The following SLC16A12 variants were observed in gnomAD, a reference collection of about 807,000 sequenced individuals.
SLC16A12 encodes monocarboxylate transporter 12.
SLC16A12 carries 17 observed loss-of-function variants against 42.4 expected under a neutral mutation model. The observed-to-expected ratio is 0.40, with a 90% CI of 0.27 to 0.60. The LOEUF (loss-of-function observed/expected upper bound fraction) is 0.60, where lower values mean the gene tolerates loss of function less well. SLC16A12 is among the 20% of genes least tolerant of loss of function. The pLI is 0.42. For synonymous variants in SLC16A12, 224 were observed against 229.4 expected, an observed-to-expected ratio of 0.98 and a Z score of 0.21; for missense variants, 544 against 623.0, an observed-to-expected ratio of 0.87 and a Z score of 1.35.
chr10:89,553,265 T>C (rs1366946213), intron 2 of SLC16A12, among the ~76,000 whole-genome samples: 13 of 152,246 alleles, frequency 8.5e-5, no homozygotes, highest in South Asian at 2.1e-4. Context: ...GTTGTGTTTA[T>C]AGTTACTTAT....
At chr10:89,452,885 C>T (rs1258590270) in intron 3 of SLC16A12, among the ~76,000 whole-genome samples, 8 of 152,192 alleles carry the variant, frequency 5.3e-5, no homozygotes, top group Admixed American at 2.6e-4. Flanking sequence ...GCCCCCTCTA[C>T]GCCCAGGGGT....
At chr10:89,447,377 T>G (rs552512316) in intron 3 of SLC16A12, among the ~76,000 whole-genome samples, 6 of 152,248 alleles carry the variant, frequency 3.9e-5, no homozygotes, top group African/African-American at 1.4e-4. Context: ...CCTTAGCAAA[T>G]GTAAAAGAAC....
chr10:89,475,561 G>A (rs1842564880), intron 2 of SLC16A12, among the ~76,000 whole-genome samples: 1 of 152,196 alleles, frequency 6.6e-6, no homozygotes. Flanking sequence ...GACTAAGACT[G>A]CTTTTTTTGA....
intron 2 of SLC16A12, among the ~76,000 whole-genome samples, chr10:89,501,892 C>T (rs1842995880): frequency 1.3e-5 from 2 of 152,180 alleles, no homozygotes; most frequent in Non-Finnish European, 2.9e-5. Flanking sequence ...GGGACACTTG[C>T]CTATGTTATT....
intron 2 of SLC16A12, among the ~76,000 whole-genome samples, chr10:89,480,699 T>G (rs1842648742): frequency 6.6e-6 from 1 of 152,214 alleles, no homozygotes; most frequent in Non-Finnish European, 1.5e-5. Context: ...CACACATATT[T>G]CTTTTCTTGG....
chr10:89,481,176 T>C (rs1167865287), intron 2 of SLC16A12, among the ~76,000 whole-genome samples: 1 of 152,102 alleles, frequency 6.6e-6, no homozygotes, highest in Non-Finnish European at 1.5e-5. Flanking sequence ...TACATATGCA[T>C]AAGGACAAAA....
chr10:89,504,729 T>C (rs1267018875), intron 2 of SLC16A12, among the ~76,000 whole-genome samples: 1 of 152,198 alleles, frequency 6.6e-6, no homozygotes, highest in African/African-American at 2.4e-5. Flanking sequence ...AGGAGATTTA[T>C]TTTATGCTAA....
intron 2 of SLC16A12, among the ~76,000 whole-genome samples, chr10:89,492,291 A>G (rs1589703144): frequency 3.3e-5 from 5 of 152,360 alleles, no homozygotes; most frequent in Non-Finnish European, 1.5e-5. Context: ...ACATGACACT[A>G]CAAGGATGGT....
chr10:89,443,801 T>C lies in SLC16A12; in HGVS notation c.259A>G (p.Thr87Ala). 3.1e-6 allele frequency: 5 copies of C among 1,614,032 alleles called. No individual in the cohort carries two copies. The highest frequency in any genetic ancestry group is 4.2e-6 in the Non-Finnish European group (5 of 1,179,894). The change falls in exon 4 of 8, where the codon ACG (threonine) becomes GCG (alanine). Residue 87 changes from threonine to alanine, a missense_variant. Transcript: ENST00000371790. ...TCTACAATGGAATGGATCCATGCCG[T>C]TTGTGCGTAATCCTGAGTGAAGTAT... ...QTYFTQDYAQ[T>A]AWIHSIVDCV...
chr10:89,533,860 A>G (rs1029994451), intron 2 of SLC16A12, among the ~76,000 whole-genome samples: 2 of 152,044 alleles, frequency 1.3e-5, no homozygotes, highest in Admixed American at 6.5e-5. Context: ...AAAAATAAGA[A>G]CAGGAAAATG....
chr10:89,533,138 GT>G (rs138214487), intron 2 of SLC16A12, among the ~76,000 whole-genome samples: 3 of 149,178 alleles, frequency 2.0e-5, no homozygotes, highest in East Asian at 1.9e-4. Flanking sequence ...ACCTGAATTT[GT>G]TTTTTTGTTG....
chr10:89,438,709 G>C lies in SLC16A12; in HGVS notation c.923C>G (p.Ala308Gly). ...CTGATGACTCACTCCAACACTCAAA[G>C]CATAAGGCACCAAGTACACAAAGAG... ...SPLFVYLVPY[A>G]LSVGVSHQQA... is the part of the protein sequence containing the mutation. Residue 308 changes from alanine to glycine, a missense_variant, in exon 6 of 8, where the codon GCT becomes GGT. By Grantham distance (60) the Ala-to-Gly change is moderately conservative. Transcript: ENST00000371790. 13 of 1,614,116 alleles carry C rather than the reference G, an allele frequency of 8.1e-6. No individual in the cohort carries two copies. The highest frequency in any genetic ancestry group is 1.1e-5 in the Non-Finnish European group (13 of 1,180,024).
At chr10:89,522,300 A>G (rs1843370088) in intron 2 of SLC16A12, among the ~76,000 whole-genome samples, 1 of 152,166 alleles carries the variant, frequency 6.6e-6, no homozygotes, top group Admixed American at 6.5e-5. Context: ...AACCCCCTTG[A>G]GCCCTTGGGT....
At chr10:89,551,285 T>C (rs1227707432) in intron 2 of SLC16A12, among the ~76,000 whole-genome samples, 1 of 151,986 alleles carries the variant, frequency 6.6e-6, no homozygotes, top group African/African-American at 2.4e-5. Context: ...TTACTAAAAA[T>C]ACTAAAAATT....
intron 2 of SLC16A12, among the ~76,000 whole-genome samples, chr10:89,505,203 A>G (rs950474670): frequency 2.0e-5 from 3 of 152,110 alleles, no homozygotes; most frequent in Non-Finnish European, 4.4e-5. Context: ...ATGTATGTAA[A>G]TAGGAGATTG....
chr10:89,499,838 G>A (rs765322524), intron 2 of SLC16A12, among the ~76,000 whole-genome samples: 20 of 151,910 alleles, frequency 1.3e-4, no homozygotes, highest in Non-Finnish European at 1.9e-4. Context: ...AAAAAAATAC[G>A]AAAGATAAAT....
intron 2 of SLC16A12, among the ~76,000 whole-genome samples, chr10:89,504,582 C>G (rs1564592395): frequency 6.6e-6 from 1 of 152,128 alleles, no homozygotes; most frequent in Non-Finnish European, 1.5e-5. Context: ...GACATAAATA[C>G]TCACTATAAG....
chr10:89,436,244 TG>T lies in SLC16A12; in HGVS notation c.1103del (p.Pro368GlnfsTer24). 6.2e-7 allele frequency: 1 copy of T among 1,614,060 alleles called. No homozygotes were observed. The highest frequency in any genetic ancestry group is 8.5e-7 in the Non-Finnish European group (1 of 1,179,978). Reference sequence around the variant, plus strand: ...CGAGCAGAGGGAGACTTTGAAGCATTGGGAGGCAGAGATAGCAGAGCCCATC... The same window carrying T: ...CGAGCAGAGGGAGACTTTGAAGCATTGGAGGCAGAGATAGCAGAGCCCATC... ...GMDGLCYLCL[P>X]MLQSLPLLVP... is the part of the protein sequence containing the mutation. On this transcript the variant is annotated frameshift_variant, in exon 7 of 8. Coordinates refer to ENST00000371790, the MANE Select transcript of SLC16A12 (RefSeq NM_213606.4). LOFTEE classifies it high-confidence loss of function.
In SLC16A12 at chr10:89,459,516, A is replaced by ATGTGTGTGTGTGTGTGTGTGTGTGTG. The variant is rs58259835; in HGVS notation, c.200+2862_200+2863insCACACACACACACACACACACACACA. Among the ~76,000 whole-genome samples, 814 of 149,728 alleles carry ATGTGTGTGTGTGTGTGTGTGTGTGTG rather than the reference A, an allele frequency of 5.4e-3. 16 individuals are homozygous for ATGTGTGTGTGTGTGTGTGTGTGTGTG. In the East Asian group the frequency reaches 0.074, roughly 14 times the overall value. ...AAAGGGCATAGCGGTTTCTGTGTTT[A>ATGTGTGTGTGTGTGTGTGTGTGTGTG]TGTGTGTGTGTGTGTGTGTGTATGT... On this transcript the variant is annotated intron_variant, in intron 3 of 7. Transcript: ENST00000371790.
Sources: gnomAD v4.1 joint callset for allele counts (sites outside exome capture counted in the v4.1 genomes callset) on GRCh38, gnomAD v4.1.1 for gene constraint, MANE v1.5 for transcripts, NCBI Gene and HGNC (gene_info 2026-07-23, HGNC 2026-07-21) for gene names.